Variants in IGDCC3 observed in about 807,000 individuals in gnomAD.
IGDCC3 encodes the protein putative neuronal cell adhesion molecule.
IGDCC3 carries 47 observed loss-of-function variants against 72.0 expected under a neutral mutation model. The ratio of observed to expected loss-of-function variants is 0.65; its 90% CI spans 0.52 to 0.83. IGDCC3 has a LOEUF of 0.83. Ranked by LOEUF, IGDCC3 falls within the 40% of genes least tolerant of loss-of-function variation. The probability of loss-of-function intolerance (pLI) is 0.00; values close to 1 mark genes in which losing one functional copy is unlikely to be tolerated. For missense variants in IGDCC3, 1,038 were observed against 1,091.3 expected (o/e 0.95, Z 0.69); for synonymous variants, 477 against 472.8 (o/e 1.01, Z -0.11).
At chr15:65,340,581 G>A (rs2091071803) in intron 2 of IGDCC3, among the ~76,000 whole-genome samples, 2 of 152,106 alleles carry the variant, frequency 1.3e-5, no homozygotes, top group African/African-American at 4.8e-5. Flanking sequence ...AAAGACCAGG[G>A]ACACGCAGCC....
In IGDCC3 at chr15:65,328,737, C is replaced by CG. The variant is rs550854147; in HGVS notation, c.*171dup. On this transcript the variant is annotated 3_prime_UTR_variant, in exon 14 of 14. Coordinates refer to ENST00000327987, the MANE Select transcript of IGDCC3 (RefSeq NM_004884.4). ...TCCAACTCCTGATGGGTGTTAGGGC[C>CG]GGGGGGTCCCTGTCAAGGCTGCCTT... 183 of 716,970 alleles carry CG rather than the reference C, an allele frequency of 2.6e-4. 1 individual carries two copies. Among genetic ancestry groups the CG allele is most frequent in the African/African-American group, 1.4e-3 (75 of 54,290 alleles). 44.4% of individuals were successfully genotyped at this position (716,970 alleles called of 1,614,324 possible).
chr15:65,333,873 G>A lies in IGDCC3; in HGVS notation c.824-458C>T, dbSNP rs1445195859. On this transcript the variant is annotated intron_variant, in intron 5 of 13. Coordinates refer to ENST00000327987, the MANE Select transcript of IGDCC3 (RefSeq NM_004884.4). ...GTTAGACCAGCAGGCCATTCCTTCC[G>A]GCTTGACAGATCATGCTTTGGGAAA... Among the ~76,000 whole-genome samples the A allele has an allele frequency of 4.6e-5, 7 of 152,264 alleles. No individual in the cohort carries two copies. In the South Asian group the frequency reaches 6.2e-4, roughly 14 times the overall value.
chr15:65,366,711 C>T (rs1266062442), intron 2 of IGDCC3, among the ~76,000 whole-genome samples: 1 of 152,198 alleles, frequency 6.6e-6, no homozygotes, highest in East Asian at 1.9e-4. Context: ...GCATTAAGCC[C>T]ACCCCGGCCC....
At chr15:65,343,744 C>T (rs1348824631) in intron 2 of IGDCC3, among the ~76,000 whole-genome samples, 1 of 152,204 alleles carries the variant, frequency 6.6e-6, no homozygotes, top group Non-Finnish European at 1.5e-5. Context: ...GGCAAGATGG[C>T]CCCTGGAGGG....
intron 7 of IGDCC3, 140 bp downstream of exon 7, chr15:65,331,801 G>A (rs2090980408): frequency 7.3e-7 from 1 of 1,365,600 alleles, no homozygotes. Flanking sequence ...GGTGGAACTG[G>A]GACTCCACCT....
At chr15:65,369,412 G>A (rs748853635) in intron 2 of IGDCC3, among the ~76,000 whole-genome samples, 7 of 152,174 alleles carry the variant, frequency 4.6e-5, no homozygotes, top group Admixed American at 2.6e-4. Context: ...ACTTCTCAGC[G>A]GTGTCAGAAA....
chr15:65,375,024 G>T, intron 2 of IGDCC3, 73 bp downstream of exon 2: 4 of 1,361,860 alleles, frequency 2.9e-6, no homozygotes, highest in South Asian at 2.6e-5. Flanking sequence ...TGCTCCCGCT[G>T]CCCTCATGCC....
chr15:65,370,647 TAA>T (rs1567073065), intron 2 of IGDCC3, among the ~76,000 whole-genome samples: 1 of 141,724 alleles, frequency 7.1e-6, no homozygotes, highest in East Asian at 2.0e-4. Context: ...TATATATATA[TAA>T]AATTAGTACC....
At chr15:65,338,153 T>G (rs2141039364) in intron 2 of IGDCC3, among the ~76,000 whole-genome samples, 1 of 152,302 alleles carries the variant, frequency 6.6e-6, no homozygotes, top group East Asian at 1.9e-4. Flanking sequence ...GGAGCCAGTC[T>G]GATATCCGTC....
At position 65,350,202 on chromosome 15, in the gene IGDCC3, G is replaced by A. The variant is rs543292008; in HGVS notation, c.410-14246C>T. ...TCGGGAGTGCAGTGGCTTGATCTTGGCTCACTGCAACCTCCACCTCCCAGG... is the reference window on the plus strand; with the variant it reads ...TCGGGAGTGCAGTGGCTTGATCTTGACTCACTGCAACCTCCACCTCCCAGG... On this transcript the variant is annotated intron_variant, in intron 2 of 13. Coordinates refer to ENST00000327987, the MANE Select transcript of IGDCC3 (RefSeq NM_004884.4). Among the ~76,000 whole-genome samples, 4 of 152,210 alleles carry A rather than the reference G, an allele frequency of 2.6e-5. No individual in the cohort carries two copies. In the East Asian group the frequency reaches 7.7e-4, roughly 29 times the overall value.
Position 65,328,828 on chromosome 15 carries a change from C to A in IGDCC3, c.*81G>T, listed in dbSNP as rs774985518. 9 of 1,467,760 alleles carry A rather than the reference C, an allele frequency of 6.1e-6. No homozygotes were observed. Among genetic ancestry groups the A allele is most frequent in the Non-Finnish European group, 8.1e-6 (9 of 1,105,924 alleles). The allele number at this position is 1,467,760 out of a possible 1,614,324, so 90.9% of individuals were successfully genotyped here. A position where few individuals can be genotyped will look rare whatever the true frequency, so the allele number is the denominator to read the frequency against. Reference sequence around the variant, plus strand: ...GGGGAGCCCCCAGGACCATCCAAATCCCACATGACAGTAGAAATCTTGCTT... The same window carrying A: ...GGGGAGCCCCCAGGACCATCCAAATACCACATGACAGTAGAAATCTTGCTT... On this transcript the variant is annotated 3_prime_UTR_variant, in exon 14 of 14. Coordinates refer to ENST00000327987, the MANE Select transcript of IGDCC3 (RefSeq NM_004884.4).
intron 2 of IGDCC3, among the ~76,000 whole-genome samples, chr15:65,370,411 G>A (rs1397542369): frequency 1.3e-5 from 2 of 150,930 alleles, no homozygotes; most frequent in East Asian, 1.9e-4. Flanking sequence ...CTACTCAGGA[G>A]GTTGAAGAAG....
chr15:65,372,160 C>G (rs955022112), intron 2 of IGDCC3, among the ~76,000 whole-genome samples: 8 of 152,152 alleles, frequency 5.3e-5, no homozygotes, highest in Admixed American at 5.2e-4. Context: ...GTGCCGGCTC[C>G]CGTTACTCAG....
intron 2 of IGDCC3, among the ~76,000 whole-genome samples, chr15:65,364,292 G>A (rs547998153): frequency 1.1e-4 from 16 of 152,266 alleles, no homozygotes; most frequent in Middle Eastern, 3.4e-3. Context: ...ATCATTCTGG[G>A]ATTTCGTTTA....
intron 2 of IGDCC3, among the ~76,000 whole-genome samples, chr15:65,363,183 G>A (rs982811599): frequency 2.6e-5 from 4 of 152,120 alleles, no homozygotes; most frequent in Admixed American, 1.3e-4. Flanking sequence ...ATTCTAGGTT[G>A]TCTTTGATTT....
Position 65,329,486 on chromosome 15 carries a change from GCCCCGCTGT to G in IGDCC3, c.2100_2108del (p.Arg702_Gln704del), listed in dbSNP as rs1486546265. 5 of 1,610,024 alleles carry G rather than the reference GCCCCGCTGT, an allele frequency of 3.1e-6. No homozygotes were observed. The highest frequency in any genetic ancestry group is 2.7e-5 in the African/African-American group (2 of 74,572). On this transcript the variant is annotated inframe_deletion, in exon 13 of 14. Coordinates refer to ENST00000327987, the MANE Select transcript of IGDCC3 (RefSeq NM_004884.4). This position sits in a 1 kb window ranked among gnomAD's most constrained non-coding sequence, Gnocchi z 4.1. ...CACGTTTCTCGTCTCGGCCCAGCTGGCCCCGCTGTCCCCGTCTCGCCCCATTTAGGGCTA... is the reference window on the plus strand; with the variant it reads ...CACGTTTCTCGTCTCGGCCCAGCTGGCCCCGTCTCGCCCCATTTAGGGCTA...
chr15:65,358,431 G>C (rs982076330), intron 2 of IGDCC3, among the ~76,000 whole-genome samples: 20 of 152,068 alleles, frequency 1.3e-4, no homozygotes, highest in African/African-American at 4.8e-4. Context: ...TGCTATACAG[G>C]CCACTAGCTT....
chr15:65,345,990 G>C (rs1356073842), intron 2 of IGDCC3, among the ~76,000 whole-genome samples: 1 of 152,172 alleles, frequency 6.6e-6, no homozygotes, highest in Non-Finnish European at 1.5e-5. Flanking sequence ...GACTGATGGG[G>C]CCTAGACTCA....
At chr15:65,368,517 C>T (rs944162571) in intron 2 of IGDCC3, among the ~76,000 whole-genome samples, 6 of 152,144 alleles carry the variant, frequency 3.9e-5, no homozygotes, top group Admixed American at 1.3e-4. Flanking sequence ...CACTCAAGTT[C>T]TGCGGGTGGG....
Sources: gnomAD v4.1 joint callset for allele counts (sites outside exome capture counted in the v4.1 genomes callset) on GRCh38, gnomAD v4.1.1 for gene constraint, Gnocchi (gnomAD v3.1) non-coding constraint, MANE v1.5 for transcripts, NCBI Gene and HGNC (gene_info 2026-07-23, HGNC 2026-07-21) for gene names.